HSF5: variants seen among roughly 807,000 people sequenced by gnomAD.
The protein encoded by HSF5 is heat shock transcription factor 5.
HSF5 carries 5 observed loss-of-function variants against 50.8 expected under a neutral mutation model. That is an observed-to-expected ratio of 0.10 (90% CI 0.05 to 0.21). HSF5 has a LOEUF of 0.21. HSF5 is among the 10% of genes least tolerant of loss of function. The probability of loss-of-function intolerance (pLI) is 1.00; values close to 1 mark genes in which losing one functional copy is unlikely to be tolerated. For synonymous variants in HSF5, 307 were observed against 307.4 expected (o/e 1.00, Z 0.02); for missense variants, 564 against 762.6 (o/e 0.74, Z 3.07).
In HSF5 at chr17:58,423,483, C is replaced by CTTT. The variant is rs71143245; in HGVS notation, c.1721-1056_1721-1054dup. ...CTTCTAGAGCAACATGACCAGGGAG[C>CTTT]TTTTTTTTTTTTTTTTTTTTTTGAG... On this transcript the variant is annotated intron_variant, in intron 5 of 5. Transcript: ENST00000323777. 2.9e-3 allele frequency among the ~76,000 whole-genome samples: 305 copies of CTTT among 106,486 alleles called. 2 individuals carry two copies. The highest frequency in any genetic ancestry group is 3.9e-3 in the Non-Finnish European group (203 of 52,404). The allele number at this position is 106,486 out of a possible 152,430, so 69.9% of individuals were successfully genotyped here.
chr17:58,486,732 T>TG (rs1975186120), intron 1 of HSF5, among the ~76,000 whole-genome samples: 1 of 152,078 alleles, frequency 6.6e-6, no homozygotes, highest in Admixed American at 6.6e-5. Context: ...ACGTCTACCA[T>TG]TCTACACATT....
At chr17:58,450,809 C>T (rs1405631376) in intron 5 of HSF5, among the ~76,000 whole-genome samples, 1 of 151,306 alleles carries the variant, frequency 6.6e-6, no homozygotes. Context: ...ATAAAGGAGG[C>T]CAGGCACAGT....
At chr17:58,469,115 G>C (rs1407459633) in intron 2 of HSF5, among the ~76,000 whole-genome samples, 1 of 135,418 alleles carries the variant, frequency 7.4e-6, no homozygotes, top group Non-Finnish European at 1.6e-5. Flanking sequence ...AAAAAAAAAA[G>C]CTTTTTCCCC....
chr17:58,451,335 T>C (rs1366973150), intron 5 of HSF5, among the ~76,000 whole-genome samples: 1 of 152,206 alleles, frequency 6.6e-6, no homozygotes, highest in Non-Finnish European at 1.5e-5. Flanking sequence ...TTAGACCTAA[T>C]GGACCTAACA....
intron 4 of HSF5, among the ~76,000 whole-genome samples, chr17:58,462,173 TCTTA>T (rs1974804025): frequency 6.6e-6 from 1 of 152,238 alleles, no homozygotes; most frequent in South Asian, 2.1e-4. Context: ...GATGAATTAT[TCTTA>T]CTAATTATTC....
intron 4 of HSF5, among the ~76,000 whole-genome samples, chr17:58,460,671 G>A (rs924814082): frequency 1.1e-4 from 16 of 150,936 alleles, no homozygotes; most frequent in African/African-American, 2.7e-4. Flanking sequence ...CACCACGCCC[G>A]GCTAATTTTT....
intron 1 of HSF5, 96 bp downstream of exon 1, chr17:58,487,629 A>T: frequency 7.6e-7 from 1 of 1,322,112 alleles, no homozygotes; most frequent in East Asian, 3.1e-5. Flanking sequence ...CGACGCCCAT[A>T]GCGTGAGGAC....
At position 58,463,313 on chromosome 17, in the gene HSF5, G is replaced by T. The variant is rs1555642983; in HGVS notation, c.1021-10C>A. The T allele has an allele frequency of 1.9e-6, 3 of 1,596,922 alleles. No homozygotes were observed. The highest frequency in any genetic ancestry group is 1.1e-5 in the South Asian group (1 of 89,220). On this transcript the variant is annotated splice_polypyrimidine_tract_variant and intron_variant, in intron 3 of 5. Coordinates refer to ENST00000323777, the MANE Select transcript of HSF5 (RefSeq NM_001080439.3). ...ACTGCATTGAAGGATTCTGGGAAAA[G>T]AAAAAATATAACTGTTTGGATAGAA... is the stretch of plus-strand genomic sequence containing the variant.
At chr17:58,467,517 G>A (rs1023550505) in intron 2 of HSF5, among the ~76,000 whole-genome samples, 3 of 152,196 alleles carry the variant, frequency 2.0e-5, no homozygotes, top group African/African-American at 7.2e-5. Context: ...CCTGGTTTTG[G>A]AGCCCAGCTC....
At chr17:58,428,949 A>T (rs1974331143) in intron 5 of HSF5, among the ~76,000 whole-genome samples, 1 of 152,248 alleles carries the variant, frequency 6.6e-6, no homozygotes, top group Admixed American at 6.5e-5. Context: ...ATGCATGTTC[A>T]TAGCACTATT....
At chr17:58,479,794 G>T in intron 2 of HSF5, 99 bp downstream of exon 2, 1 of 1,039,702 alleles carries the variant, frequency 9.6e-7, no homozygotes, top group Non-Finnish European at 1.4e-6. Flanking sequence ...CCTACTGTTT[G>T]TGTTAAAGCA....
chr17:58,476,594 T>C, intron 2 of HSF5: 2 of 1,527,082 alleles, frequency 1.3e-6, no homozygotes, highest in East Asian at 2.2e-5. Context: ...TAACCTGATT[T>C]AATATCTTCG....
intron 5 of HSF5, among the ~76,000 whole-genome samples, chr17:58,439,275 A>G (rs141434036): frequency 6.8e-6 from 1 of 146,796 alleles, no homozygotes; most frequent in Non-Finnish European, 1.5e-5. Flanking sequence ...CAATGGAAAA[A>G]AAAAACAAAA....
At chr17:58,471,832 A>G (rs1397981218) in intron 2 of HSF5, among the ~76,000 whole-genome samples, 2 of 152,112 alleles carry the variant, frequency 1.3e-5, no homozygotes, top group Non-Finnish European at 2.9e-5. Context: ...TCTGTTATTT[A>G]GCCTTTAAAG....
chr17:58,456,114 G>T (rs1281275439), intron 5 of HSF5, among the ~76,000 whole-genome samples: 1 of 145,360 alleles, frequency 6.9e-6, no homozygotes, highest in African/African-American at 2.5e-5. Context: ...AAGAAAATGT[G>T]ATATATATAT....
intron 5 of HSF5, among the ~76,000 whole-genome samples, chr17:58,434,963 G>A (rs887760402): frequency 6.6e-6 from 1 of 152,234 alleles, no homozygotes; most frequent in Non-Finnish European, 1.5e-5. Context: ...GTATACAAAT[G>A]AAAGGACTGG....
At chr17:58,467,695 T>C (rs1300627281) in intron 2 of HSF5, among the ~76,000 whole-genome samples, 1 of 152,194 alleles carries the variant, frequency 6.6e-6, no homozygotes, top group Non-Finnish European at 1.5e-5. Context: ...CTTAGAAGAG[T>C]ACTGGTACAC....
At chr17:58,487,644 G>GA (rs974231840) in intron 1 of HSF5, 81 bp downstream of exon 1, 1 of 1,340,330 alleles carries the variant, frequency 7.5e-7, no homozygotes, top group Non-Finnish European at 9.5e-7. Context: ...GAGGACGTGC[G>GA]AAAATGCGCC....
intron 5 of HSF5, among the ~76,000 whole-genome samples, chr17:58,449,960 T>A (rs1413248792): frequency 2.1e-5 from 3 of 144,422 alleles, no homozygotes; most frequent in Non-Finnish European, 4.5e-5. Flanking sequence ...GAGACGGAGC[T>A]TGCAGTGAGC....
Sources: gnomAD v4.1 joint callset for allele counts (sites outside exome capture counted in the v4.1 genomes callset) on GRCh38, gnomAD v4.1.1 for gene constraint, MANE v1.5 for transcripts, NCBI Gene and HGNC (gene_info 2026-07-23, HGNC 2026-07-21) for gene names.